The following PRIM2 variants were observed in gnomAD, a reference collection of about 807,000 sequenced individuals.
PRIM2 encodes the protein DNA primase subunit 2.
PRIM2 carries 39 observed loss-of-function variants against 67.3 expected under a neutral mutation model. That is an observed-to-expected ratio of 0.58 (90% confidence interval 0.45 to 0.76). The LOEUF (loss-of-function observed/expected upper bound fraction) is 0.76. Ranked by LOEUF, PRIM2 falls within the 30% of genes least tolerant of loss-of-function variation. PRIM2 has a pLI of 0.00. For missense variants in PRIM2, 398 were observed against 598.7 expected, an observed-to-expected ratio of 0.66 and a Z score of 3.50; for synonymous variants, 143 against 198.7, an observed-to-expected ratio of 0.72 and a Z score of 2.36.
At chr6:57,300,679 C>T in the PRIM2 span, among the ~76,000 whole-genome samples, 1 of 152,060 alleles carries the variant, frequency 6.6e-6, no homozygotes. Flanking sequence ...ATAGTTTAAA[C>T]TTGGGTTGCT....
At chr6:57,238,295 T>C in the PRIM2 span, among the ~76,000 whole-genome samples, 1 of 152,136 alleles carries the variant, frequency 6.6e-6, no homozygotes, top group Non-Finnish European at 1.5e-5. Flanking sequence ...TATTCCAAAA[T>C]TGACCACATA....
At chr6:57,256,892 A>G in the PRIM2 span, among the ~76,000 whole-genome samples, 1 of 152,240 alleles carries the variant, frequency 6.6e-6, no homozygotes, top group Admixed American at 6.5e-5. Flanking sequence ...ACCTACTGCT[A>G]AATTACTCAA....
chr6:57,595,629 AG>A (rs1776352841), intron 10 of PRIM2, among the ~76,000 whole-genome samples: 1 of 152,196 alleles, frequency 6.6e-6, no homozygotes, highest in Non-Finnish European at 1.5e-5. Context: ...GTGCTAGAGC[AG>A]CTCATAGAAC....
intron 7 of PRIM2, among the ~76,000 whole-genome samples, chr6:57,503,790 C>G (rs1317904968): frequency 2.0e-5 from 3 of 151,880 alleles, no homozygotes; most frequent in Non-Finnish European, 4.4e-5. Flanking sequence ...TGTGGTCAAT[C>G]TTTTGGTGGT....
rs117094312 is a variant in PRIM2 at position 57,412,305 on chromosome 6, C to T, written c.693+30137C>T. Among the ~76,000 whole-genome samples, 98 of 152,048 alleles carry T rather than the reference C, an allele frequency of 6.4e-4. 2 individuals are homozygous for T. The East Asian group carries it at 0.016, about 25-fold the overall frequency. Reference sequence around the variant, plus strand: ...TATCACATGGATTTAGAATATTTGTCTATAATATAAGTATATTTGTTTTAT... The same window carrying T: ...TATCACATGGATTTAGAATATTTGTTTATAATATAAGTATATTTGTTTTAT... On this transcript the variant is annotated intron_variant, in intron 7 of 13. Transcript: ENST00000615550.
chr6:57,332,898 G>A (rs183560390), intron 5 of PRIM2, among the ~76,000 whole-genome samples: 1 of 151,916 alleles, frequency 6.6e-6, no homozygotes, highest in Non-Finnish European at 1.5e-5. Flanking sequence ...GTATTTCCGT[G>A]TGCCATCTAT....
chr6:57,534,791 CT>C (rs1163340653), intron 9 of PRIM2, among the ~76,000 whole-genome samples: 1 of 152,206 alleles, frequency 6.6e-6, no homozygotes, highest in African/African-American at 2.4e-5. Flanking sequence ...CTTATTCTCT[CT>C]TTTAGCACAC....
chr6:57,505,307 G>C (rs1415062199), intron 7 of PRIM2: 1 of 152,122 alleles, frequency 6.6e-6, no homozygotes, highest in Non-Finnish European at 1.5e-5. Flanking sequence ...AATCATTCTT[G>C]CCAGAGATTC....
chr6:57,335,757 G>GA (rs1258121226), intron 5 of PRIM2, among the ~76,000 whole-genome samples: 1 of 152,142 alleles, frequency 6.6e-6, no homozygotes, highest in Non-Finnish European at 1.5e-5. Flanking sequence ...CAAAGATGGG[G>GA]AAAAAACAGA....
chr6:57,586,423 C>T (rs1776187930), intron 10 of PRIM2, among the ~76,000 whole-genome samples: 1 of 152,038 alleles, frequency 6.6e-6, no homozygotes, highest in African/African-American at 2.4e-5. Flanking sequence ...TGTCCAGGAA[C>T]CTGTAGTGGC....
Position 57,620,056 on chromosome 6 carries a change from C to T in PRIM2, c.1231-12077C>T, listed in dbSNP as rs1435795317. Among the ~76,000 whole-genome samples, 914 of 152,078 alleles carry T rather than the reference C, an allele frequency of 6.0e-3. 4 individuals are homozygous for T. Among genetic ancestry groups the T allele is most frequent in the Admixed American group, 9.7e-3 (149 of 15,290 alleles). On this transcript the variant is annotated intron_variant, in intron 12 of 13. Coordinates refer to ENST00000615550, the MANE Select transcript of PRIM2 (RefSeq NM_000947.5). Reference sequence around the variant, plus strand: ...CTAAAAATGCAAAAAGTTAGCTGGGCGTGGTGACACACAACTGTAGTCCCA... The same window carrying T: ...CTAAAAATGCAAAAAGTTAGCTGGGTGTGGTGACACACAACTGTAGTCCCA...
intron 8 of PRIM2, among the ~76,000 whole-genome samples, chr6:57,523,215 T>C: frequency 6.6e-6 from 1 of 152,366 alleles, no homozygotes; most frequent in African/African-American, 2.4e-5. Context: ...TCACAACAAC[T>C]TTTTGAGAGC....
intron 7 of PRIM2, chr6:57,497,370 C>T (rs1554346471): frequency 4.6e-5 from 7 of 152,046 alleles, no homozygotes; most frequent in Admixed American, 6.6e-5. Context: ...CTTGCTCAAG[C>T]GATTGTTTTA....
At chr6:57,411,705 T>C (rs1771093619) in intron 7 of PRIM2, among the ~76,000 whole-genome samples, 1 of 152,234 alleles carries the variant, frequency 6.6e-6, no homozygotes, top group African/African-American at 2.4e-5. Context: ...TGTCAAGGTA[T>C]ATTACCTTTT....
chr6:57,275,020 C>T, the PRIM2 span, among the ~76,000 whole-genome samples: 2 of 151,150 alleles, frequency 1.3e-5, no homozygotes, highest in African/African-American at 4.9e-5. Context: ...CTCCTGATCT[C>T]GTGATCCACC....
At chr6:57,371,405 T>G (rs1769553426) in intron 5 of PRIM2, among the ~76,000 whole-genome samples, 1 of 152,160 alleles carries the variant, frequency 6.6e-6, no homozygotes, top group African/African-American at 2.4e-5. Flanking sequence ...ATTTGTTTAG[T>G]TAGAACCTAA....
chr6:57,615,989 T>C (rs1776749964), intron 12 of PRIM2, among the ~76,000 whole-genome samples: 1 of 152,218 alleles, frequency 6.6e-6, no homozygotes, highest in East Asian at 1.9e-4. Context: ...TCACAGAGCT[T>C]AATAAATAAA....
intron 7 of PRIM2, among the ~76,000 whole-genome samples, chr6:57,464,338 C>T (rs2397313): frequency 0.024 from 3,636 of 151,960 alleles, 62 homozygotes; most frequent in Middle Eastern, 0.041. Context: ...AGGGCAATGG[C>T]GTGATCTCAG....
At chr6:57,331,415 T>C (rs1049485029) in intron 5 of PRIM2, among the ~76,000 whole-genome samples, 2 of 152,168 alleles carry the variant, frequency 1.3e-5, no homozygotes, top group East Asian at 1.9e-4. Flanking sequence ...TAGGATCATA[T>C]TGGCCTCATA....
Sources: allele counts gnomAD v4.1 joint callset (sites outside exome capture counted in the v4.1 genomes callset), GRCh38; gene constraint gnomAD v4.1.1; transcripts MANE v1.5; gene names NCBI Gene and HGNC (gene_info 2026-07-23, HGNC 2026-07-21).